The following VRK2 variants were observed in gnomAD, a reference collection of about 807,000 sequenced individuals.
VRK2 encodes serine/threonine-protein kinase VRK2.
VRK2 carries 60 observed loss-of-function variants against 57.6 expected under a neutral mutation model. The observed-to-expected ratio is 1.04, with a 90% CI of 0.85 to 1.29. The LOEUF is 1.29. Among genes scored for constraint, VRK2 ranks in the 50% most tolerant of loss-of-function variants. The pLI, the probability that VRK2 is intolerant of heterozygous loss-of-function variation, is 0.00. For missense variants in VRK2, 705 were observed against 588.1 expected (o/e 1.20, Z -2.06); for synonymous variants, 231 against 199.2 (o/e 1.16, Z -1.35).
rs1672627645 is a variant in VRK2, at chr2:57,987,301, A to C, written c.-438-38364A>C. 3.3e-5 allele frequency among the ~76,000 whole-genome samples: 5 copies of C among 152,192 alleles called. 1 individual carries two copies. Among genetic ancestry groups the C allele is most frequent in the Admixed American group, 3.3e-4 (5 of 15,278 alleles). On this transcript the variant is annotated intron_variant, in intron 1 of 15. Transcript: ENST00000417641. ...TATCCAGAATATATAAACAACTCTC[A>C]AAACTCAGTAAGAAGACAAACAATC...
At chr2:58,101,377 C>G (rs1673935625) in intron 7 of VRK2, among the ~76,000 whole-genome samples, 1 of 151,510 alleles carries the variant, frequency 6.6e-6, no homozygotes, top group South Asian at 2.1e-4. Context: ...TTACATTTTA[C>G]TTAAATACTT....
At chr2:58,090,749 C>T (rs1462630441) in intron 7 of VRK2, among the ~76,000 whole-genome samples, 1 of 152,118 alleles carries the variant, frequency 6.6e-6, no homozygotes, top group Non-Finnish European at 1.5e-5. Context: ...CACACAAAAA[C>T]CTGCACGTGA....
intron 2 of VRK2, among the ~76,000 whole-genome samples, chr2:58,081,395 A>G (rs1015726587): frequency 6.6e-6 from 1 of 151,916 alleles, no homozygotes; most frequent in African/African-American, 2.4e-5. Flanking sequence ...TATGGCTAAA[A>G]ATTGATTTAT....
chr2:58,004,021 T>C lies in VRK2; in HGVS notation c.-438-21644T>C, dbSNP rs113260858. ...CCATTTTGCAAATATTAGGAAATGC[T>C]TTCTCTCTTTACTTTAATTCAAAGA... On this transcript the variant is annotated intron_variant, in intron 1 of 15. Coordinates refer to the VRK2 transcript ENST00000417641. Among the ~76,000 whole-genome samples the C allele has an allele frequency of 3.9e-5, 6 of 152,282 alleles. 1 individual carries two copies. The highest frequency in any genetic ancestry group is 1.4e-4 in the African/African-American group (6 of 41,578).
rs542905296 is a variant in VRK2 at position 58,075,775 on chromosome 2, T to A, written c.137-8314T>A. Among the ~76,000 whole-genome samples the A allele has an allele frequency of 1.8e-3, 265 of 147,636 alleles. 1 individual carries two copies. Among genetic ancestry groups the A allele is most frequent in the Non-Finnish European group, 1.9e-3 (127 of 65,746 alleles). On this transcript the variant is annotated intron_variant, in intron 2 of 12. Coordinates refer to ENST00000340157, the MANE Select transcript of VRK2 (RefSeq NM_006296.7). ...GGTTATTTTTCTTCTCCCATGTTGA[T>A]TAGGTTCTGGCAAAGTAGTTTCCCT...
intron 7 of VRK2, among the ~76,000 whole-genome samples, chr2:58,102,320 T>A (rs192678156): frequency 0.012 from 1,782 of 151,374 alleles, 33 homozygotes; most frequent in African/African-American, 0.038. Flanking sequence ...GGATTTTTTT[T>A]AAAAAATGAA....
chr2:57,963,209 C>T (rs1224971963), intron 1 of VRK2, among the ~76,000 whole-genome samples: 2 of 152,188 alleles, frequency 1.3e-5, no homozygotes, highest in Admixed American at 6.6e-5. Flanking sequence ...TATATAGCCA[C>T]CATTCAAACT....
At chr2:58,038,205 G>A (rs1572813575) in intron 3 of VRK2, among the ~76,000 whole-genome samples, 1 of 152,060 alleles carries the variant, frequency 6.6e-6, no homozygotes, top group South Asian at 2.1e-4. Flanking sequence ...TTTCCCCCAT[G>A]CTGTTCTTGT....
intron 2 of VRK2, among the ~76,000 whole-genome samples, chr2:58,030,823 G>T (rs1437530958): frequency 6.6e-6 from 1 of 152,008 alleles, no homozygotes; most frequent in African/African-American, 2.4e-5. Flanking sequence ...TTCTGAGGCT[G>T]GTAAGAAGAG....
chr2:58,050,320 TG>T (rs1370149386), intron 2 of VRK2, among the ~76,000 whole-genome samples: 2 of 152,212 alleles, frequency 1.3e-5, no homozygotes, highest in African/African-American at 4.8e-5. Flanking sequence ...TTAGCCCATG[TG>T]GCTCATATGC....
chr2:58,099,775 C>G (rs1400219412), intron 7 of VRK2, among the ~76,000 whole-genome samples: 1 of 152,048 alleles, frequency 6.6e-6, no homozygotes, highest in Non-Finnish European at 1.5e-5. Flanking sequence ...AGTCAAGAGA[C>G]TAGGTTCTAG....
rs79882300 is a variant in VRK2 at position 58,071,425 on chromosome 2, G to A, written c.137-12664G>A. ...CTGTGTTATCTTCCAGAAGTTTATC[G>A]TTTTTGCATTGTACATTTAGGTTTA... On this transcript the variant is annotated intron_variant, in intron 2 of 12. Transcript: ENST00000340157. 9.3e-3 allele frequency among the ~76,000 whole-genome samples: 1,411 copies of A among 151,952 alleles called. 19 individuals carry two copies. The highest frequency in any genetic ancestry group is 0.031 in the African/African-American group (1,299 of 41,470).
chr2:57,982,359 C>T (rs1010423688), intron 1 of VRK2, among the ~76,000 whole-genome samples: 1 of 152,200 alleles, frequency 6.6e-6, no homozygotes, highest in African/African-American at 2.4e-5. Context: ...CATGCACACA[C>T]ATGTGCACCG....
chr2:57,922,091 A>T (rs745316089), intron 1 of VRK2, among the ~76,000 whole-genome samples: 58 of 152,068 alleles, frequency 3.8e-4, no homozygotes, highest in Non-Finnish European at 4.3e-4. Context: ...CTCAAACTTT[A>T]GGTTTTCCTA....
intron 1 of VRK2, among the ~76,000 whole-genome samples, chr2:57,909,703 C>T (rs1417643688): frequency 6.6e-6 from 1 of 152,062 alleles, no homozygotes; most frequent in Admixed American, 6.6e-5. Context: ...CTTTAATTTG[C>T]TATTTAGCAA....
At chr2:58,072,982 C>T (rs2104003581) in intron 2 of VRK2, among the ~76,000 whole-genome samples, 1 of 152,140 alleles carries the variant, frequency 6.6e-6, no homozygotes, top group South Asian at 2.1e-4. Flanking sequence ...TCCCTTTAAG[C>T]ACTACTTCTG....
At chr2:57,933,831 C>T (rs933530475) in intron 1 of VRK2, among the ~76,000 whole-genome samples, 2 of 151,922 alleles carry the variant, frequency 1.3e-5, no homozygotes, top group African/African-American at 2.4e-5. Flanking sequence ...CGCTGTCTTC[C>T]TTTGTGATTT....
chr2:57,953,709 G>C (rs1671496043), intron 1 of VRK2, among the ~76,000 whole-genome samples: 1 of 151,898 alleles, frequency 6.6e-6, no homozygotes, highest in South Asian at 2.1e-4. Context: ...GTAACATGTT[G>C]ATGGCCACGC....
At chr2:58,060,881 C>T (rs1232885150) in intron 2 of VRK2, among the ~76,000 whole-genome samples, 4 of 151,956 alleles carry the variant, frequency 2.6e-5, no homozygotes, top group South Asian at 4.1e-4. Flanking sequence ...TAATAGCTCT[C>T]ATTCTATTGT....
Sources: gnomAD v4.1 joint callset for allele counts (sites outside exome capture counted in the v4.1 genomes callset) on GRCh38, gnomAD v4.1.1 for gene constraint, MANE v1.5 for transcripts, NCBI Gene and HGNC (gene_info 2026-07-23, HGNC 2026-07-21) for gene names.